The following ELN variants were observed in gnomAD, a reference collection of about 807,000 sequenced individuals.
ELN encodes tropoelastin.
Under a neutral mutation model 105.8 loss-of-function variants are expected in ELN, and 65 were observed. The ratio of observed to expected loss-of-function variants is 0.61; its 90% confidence interval spans 0.50 to 0.75. ELN has a LOEUF of 0.75. ELN is among the 30% of genes least tolerant of loss of function. The pLI is 0.00. For missense variants in ELN, 882 were observed against 969.4 expected (o/e 0.91, Z 1.20); for synonymous variants, 368 against 389.2 (o/e 0.95, Z 0.64).
chr7:74,058,636 G>A (rs138738488), intron 22 of ELN, among the ~76,000 whole-genome samples: 20 of 152,256 alleles, frequency 1.3e-4, no homozygotes, highest in Admixed American at 5.9e-4. Flanking sequence ...GATTACAGGC[G>A]TGAGCCACCA....
chr7:74,051,383 G>A (rs1409173441), intron 15 of ELN, among the ~76,000 whole-genome samples: 1 of 152,206 alleles, frequency 6.6e-6, no homozygotes, highest in South Asian at 2.1e-4. Context: ...GCAGCCAGGC[G>A]CTTGGATTAC....
At position 74,069,329 on chromosome 7, in the gene ELN, T is replaced by C. The variant is rs776424755; in HGVS notation, c.*629T>C. 4.7e-5 allele frequency: 11 copies of C among 235,884 alleles called. No homozygotes were observed. Among genetic ancestry groups the C allele is most frequent in the Non-Finnish European group, 8.4e-5 (10 of 119,392 alleles). The allele number at this position is 235,884 out of a possible 1,614,324, so 14.6% of individuals were successfully genotyped here. A position where few individuals can be genotyped will look rare whatever the true frequency, so the allele number is the denominator to read the frequency against. On this transcript the variant is annotated 3_prime_UTR_variant, in exon 33 of 33. Transcript: ENST00000252034. Reference sequence around the variant, plus strand: ...GAATAGCCACCTTGCCCTTGTAGAATCCATCCGCCCATCCGTCCATTCATC... The same window carrying C: ...GAATAGCCACCTTGCCCTTGTAGAACCCATCCGCCCATCCGTCCATTCATC...
chr7:74,062,823 T>G (rs1796987972), intron 26 of ELN, among the ~76,000 whole-genome samples: 1 of 152,142 alleles, frequency 6.6e-6, no homozygotes, highest in Non-Finnish European at 1.5e-5. Context: ...AGTGCTGGGA[T>G]TACAGGTGTG....
chr7:74,053,417 A>C (rs1794556783), intron 18 of ELN, 108 bp downstream of exon 18: 1 of 1,538,616 alleles, frequency 6.5e-7, no homozygotes, highest in African/African-American at 1.4e-5. Context: ...TAACACCATA[A>C]CCATCTGCCC....
chr7:74,055,411 A>C (rs1260524254), intron 19 of ELN, among the ~76,000 whole-genome samples: 1 of 151,926 alleles, frequency 6.6e-6, no homozygotes, highest in Non-Finnish European at 1.5e-5. Context: ...CCCCATAAAT[A>C]AAATAAAAAT....
In ELN at chr7:74,051,082, G is replaced by A. The variant is rs77696723; in HGVS notation, c.800-668G>A. ...GATGGAACGTGGTATTCCTGTGCCC[G>A]TGCAGTGGGTGGAGTGGGCATCTGT... On this transcript the variant is annotated intron_variant, in intron 15 of 32. Coordinates refer to ENST00000252034, the MANE Select transcript of ELN (RefSeq NM_000501.4). 7.9e-5 allele frequency among the ~76,000 whole-genome samples: 12 copies of A among 152,290 alleles called. No homozygotes were observed. The East Asian group carries it at 2.1e-3, about 27-fold the overall frequency.
At position 74,053,239 on chromosome 7, in the gene ELN, A is replaced by C; in HGVS notation, c.1026A>C (p.Pro342=). The part of the protein sequence containing the change: ...GVVGVPGAGV[P]GVGVPGAGIP... ...TTGGTGTCCCAGGAGCTGGCGTTCC[A>C]GGTGTTGGTGTCCCAGGAGCTGGGA... The change falls in exon 18 of 33, where the codon CCA becomes CCC. Residue 342 remains proline, a synonymous_variant. Transcript: ENST00000252034. 6.2e-7 allele frequency: 1 copy of C among 1,613,824 alleles called. No individual in the cohort carries two copies.
intron 5 of ELN, among the ~76,000 whole-genome samples, chr7:74,041,633 G>C (rs1049573542): frequency 2.6e-5 from 4 of 152,158 alleles, no homozygotes. Context: ...CTTGAGCCCA[G>C]GAGGCTGAGG....
Position 74,059,867 on chromosome 7 carries a change from G to A in ELN, c.1415-19G>A, listed in dbSNP as rs781948010. On this transcript the variant is annotated intron_variant, in intron 22 of 32. Coordinates refer to ENST00000252034, the MANE Select transcript of ELN (RefSeq NM_000501.4). ...TTGATCAGGTCTTGGTTAATGATCAGCTCTTCTCAATCTTGCAGGGTTAGT... is the reference window on the plus strand; with the variant it reads ...TTGATCAGGTCTTGGTTAATGATCAACTCTTCTCAATCTTGCAGGGTTAGT... The A allele has an allele frequency of 9.4e-7, 1 of 1,066,686 alleles. No individual in the cohort carries two copies. Among genetic ancestry groups the A allele is most frequent in the African/African-American group, 1.6e-5 (1 of 64,424 alleles). 66.1% of individuals were successfully genotyped at this position (1,066,686 alleles called of 1,614,324 possible).
intron 18 of ELN, among the ~76,000 whole-genome samples, chr7:74,053,811 G>A (rs1794670021): frequency 6.6e-6 from 1 of 151,670 alleles, no homozygotes; most frequent in Admixed American, 6.6e-5. Flanking sequence ...TGGATAGATG[G>A]GTAGGTGAGT....
chr7:74,046,106 C>G (rs1792441933), intron 10 of ELN, 82 bp from the exon 11 acceptor site: 13 of 1,585,922 alleles, frequency 8.2e-6, no homozygotes, highest in Non-Finnish European at 8.7e-6. Context: ...CTGGCCATTC[C>G]TTGGGCCTCC....
rs782794260 is a variant in ELN, at chr7:74,063,696, G to C, written c.1993+1G>C. On this transcript the variant is annotated splice_donor_variant, in intron 29 of 32. Coordinates refer to ENST00000252034, the MANE Select transcript of ELN (RefSeq NM_000501.4). LOFTEE classifies it high-confidence loss of function. This position sits in a 1 kb window ranked among gnomAD's most constrained non-coding sequence, Gnocchi z 4.1. Reference sequence around the variant, plus strand: ...GTTCCAGGTGTTGGGGGCCTTGGAGGTGAGAGTTGTTCTGAAATCAGTGAG... The same window carrying C: ...GTTCCAGGTGTTGGGGGCCTTGGAGCTGAGAGTTGTTCTGAAATCAGTGAG... 4.3e-6 allele frequency: 7 copies of C among 1,614,224 alleles called. No individual in the cohort carries two copies. Among genetic ancestry groups the C allele is most frequent in the Non-Finnish European group, 5.9e-6 (7 of 1,180,042 alleles).
At chr7:74,046,937 A>G (rs541364226) in intron 12 of ELN, among the ~76,000 whole-genome samples, 170 bp downstream of exon 12, 1 of 152,326 alleles carries the variant, frequency 6.6e-6, no homozygotes, top group African/African-American at 2.4e-5. Context: ...TACAAAAATT[A>G]GCCAGGTGTG....
rs562936182 is a variant in ELN at position 74,031,690 on chromosome 7, G to A, written c.82+3421G>A. 1.3e-5 allele frequency among the ~76,000 whole-genome samples: 2 copies of A among 152,178 alleles called. 1 individual carries two copies. Among genetic ancestry groups the A allele is most frequent in the South Asian group, 4.2e-4 (2 of 4,808 alleles). On this transcript the variant is annotated intron_variant, in intron 1 of 32. Transcript: ENST00000252034. ...CTAGCACTTTGGGAGGCCCACATGGGCAGATTGCTTGAGCCCAGGAGTTTG... is the reference window on the plus strand; with the variant it reads ...CTAGCACTTTGGGAGGCCCACATGGACAGATTGCTTGAGCCCAGGAGTTTG...
intron 21 of ELN, among the ~76,000 whole-genome samples, chr7:74,057,182 G>C (rs1554680594): frequency 6.6e-6 from 1 of 152,014 alleles, no homozygotes; most frequent in South Asian, 2.1e-4. Context: ...AGGCTGCAGT[G>C]AGCAGAGATT....
chr7:74,037,765 G>C, intron 4 of ELN, 26 bp downstream of exon 4: 1 of 1,608,426 alleles, frequency 6.2e-7, no homozygotes, highest in African/African-American at 1.3e-5. Flanking sequence ...TCGGAGCATT[G>C]AGAGACAGCG....
Position 74,068,835 on chromosome 7 carries a change from C to A in ELN, c.*135C>A, listed in dbSNP as rs1459332323. On this transcript the variant is annotated 3_prime_UTR_variant, in exon 33 of 33. Coordinates refer to ENST00000252034, the MANE Select transcript of ELN (RefSeq NM_000501.4). Reference sequence around the variant, plus strand: ...GGAGGGAACGGGCAGGCCGGGCGGCCTTGCAGATCCACAGGGCAAGGAAAC... The same window carrying A: ...GGAGGGAACGGGCAGGCCGGGCGGCATTGCAGATCCACAGGGCAAGGAAAC... 9.2e-6 allele frequency: 10 copies of A among 1,091,250 alleles called. No homozygotes were observed. The highest frequency in any genetic ancestry group is 1.2e-5 in the Non-Finnish European group (9 of 722,392). 67.6% of individuals were successfully genotyped at this position (1,091,250 alleles called of 1,614,324 possible). A position where few individuals can be genotyped will look rare whatever the true frequency, so the allele number is the denominator to read the frequency against.
At chr7:74,062,246 G>A (rs1260009515) in intron 26 of ELN, 2 of 152,492 alleles carry the variant, frequency 1.3e-5, no homozygotes, top group African/African-American at 4.8e-5. Context: ...CCGACCCCCA[G>A]CAGCCCTGGC....
intron 5 of ELN, 57 bp from the exon 6 acceptor site, chr7:74,042,557 G>A (rs1382854043): frequency 1.6e-5 from 25 of 1,523,766 alleles, no homozygotes; most frequent in Admixed American, 1.0e-4. Context: ...GGGCCAGAGC[G>A]TAGGAGTCTT....
Sources: gnomAD v4.1 joint callset for allele counts (sites outside exome capture counted in the v4.1 genomes callset) on GRCh38, gnomAD v4.1.1 for gene constraint, Gnocchi (gnomAD v3.1) non-coding constraint, MANE v1.5 for transcripts, NCBI Gene and HGNC (gene_info 2026-07-23, HGNC 2026-07-21) for gene names.